The following VEZF1 variants were observed in gnomAD, a reference collection of about 807,000 sequenced individuals.
VEZF1 encodes putative transcription factor DB1.
VEZF1 carries 5 observed loss-of-function variants against 44.1 expected under a neutral mutation model. The ratio of observed to expected loss-of-function variants is 0.11; its 90% CI spans 0.06 to 0.24. The LOEUF is 0.24. Ranked by LOEUF, VEZF1 falls within the 10% of genes least tolerant of loss-of-function variation. The probability of loss-of-function intolerance (pLI) is 1.00; values close to 1 mark genes in which losing one functional copy is unlikely to be tolerated. For missense variants in VEZF1, 358 were observed against 641.8 expected, an observed-to-expected ratio of 0.56 and a Z score of 4.78; for synonymous variants, 236 against 233.1, an observed-to-expected ratio of 1.01 and a Z score of -0.11.
chr17:57,979,554 C>CA (rs79059045), intron 4 of VEZF1, among the ~76,000 whole-genome samples: 273 of 114,972 alleles, frequency 2.4e-3, no homozygotes, highest in African/African-American at 5.4e-3. Context: ...AAAAAACCAT[C>CA]AAAAAAAAAA....
At chr17:57,976,161 A>C (rs1053223154) in intron 5 of VEZF1, among the ~76,000 whole-genome samples, 9 of 152,206 alleles carry the variant, frequency 5.9e-5, no homozygotes, top group African/African-American at 9.7e-5. Flanking sequence ...CAGCACCAGA[A>C]AACAGCAGTA....
chr17:57,975,335 T>C (rs2075179862), intron 5 of VEZF1, among the ~76,000 whole-genome samples: 1 of 152,222 alleles, frequency 6.6e-6, no homozygotes, highest in Non-Finnish European at 1.5e-5. Flanking sequence ...TACACAGAGC[T>C]GGGCCAATGG....
chr17:57,980,257 A>G (rs550155144), intron 4 of VEZF1, among the ~76,000 whole-genome samples: 1 of 152,348 alleles, frequency 6.6e-6, no homozygotes, highest in South Asian at 2.1e-4. Flanking sequence ...AAGCCTGGGT[A>G]AATGCAAGTA....
chr17:57,984,310 A>G (rs114350726), intron 1 of VEZF1, among the ~76,000 whole-genome samples: 3,801 of 152,322 alleles, frequency 0.025, 163 homozygotes, highest in African/African-American at 0.087. Flanking sequence ...CAATGAAACC[A>G]AAATTTCACC....
intron 3 of VEZF1, 60 bp downstream of exon 3, chr17:57,981,813 A>G: frequency 6.5e-7 from 1 of 1,528,486 alleles, no homozygotes; most frequent in Non-Finnish European, 9.1e-7. Flanking sequence ...CAACTGGCTC[A>G]GACCTTCTGG....
chr17:57,985,187 A>T, intron 1 of VEZF1: 1 of 1,032,838 alleles, frequency 9.7e-7, no homozygotes. Flanking sequence ...GTTCAGACTT[A>T]TAGCATTTAG....
chr17:57,979,415 C>T, intron 4 of VEZF1, 102 bp from the exon 5 acceptor site: 1 of 1,523,304 alleles, frequency 6.6e-7, no homozygotes, highest in Non-Finnish European at 8.8e-7. Context: ...AACCATTTAA[C>T]CTGATAGCTC....
chr17:57,985,590 A>G (rs748955564), intron 1 of VEZF1: 1 of 314,530 alleles, frequency 3.2e-6, no homozygotes, highest in Non-Finnish European at 4.6e-6. Context: ...TTTTAATTTT[A>G]TATCCCATCT....
intron 4 of VEZF1, 28 bp from the exon 5 acceptor site, chr17:57,979,341 G>C: frequency 6.2e-7 from 1 of 1,607,112 alleles, no homozygotes; most frequent in Non-Finnish European, 8.5e-7. Context: ...CAAAAACACT[G>C]TATCTACCTG....
At position 57,979,346 on chromosome 17, in the gene VEZF1, T is replaced by C. The variant is rs1391518602; in HGVS notation, c.977-33A>G. On this transcript the variant is annotated intron_variant, in intron 4 of 5. Transcript: ENST00000581208. ...AAAGACAAACCAAAAACACTGTATC[T>C]ACCTGTAAAACTGTTGCCGTTTTTT... The C allele has an allele frequency of 1.4e-5, 23 of 1,607,324 alleles. No homozygotes were observed. The Admixed American group carries it at 3.9e-4, about 27-fold the overall frequency.
intron 1 of VEZF1, chr17:57,985,387 A>G (rs147451569): frequency 1.6e-6 from 2 of 1,228,164 alleles, no homozygotes; most frequent in East Asian, 6.3e-5. Context: ...TACAGGAATC[A>G]CTCTCTGAGG....
chr17:57,979,847 G>C (rs891638170), intron 4 of VEZF1, among the ~76,000 whole-genome samples: 3 of 151,776 alleles, frequency 2.0e-5, no homozygotes, highest in African/African-American at 7.3e-5. Flanking sequence ...GTGTGCACCT[G>C]TAATCCCAGT....
rs935693670 is a variant in VEZF1 at position 57,988,188 on chromosome 17, A to AGCGGCG, written c.-83_-78dup. The AGCGGCG allele has an allele frequency of 1.8e-4, 59 of 324,956 alleles. 1 individual carries two copies. Among genetic ancestry groups the AGCGGCG allele is most frequent in the African/African-American group, 5.0e-4 (22 of 44,350 alleles). The allele number at this position is 324,956 out of a possible 1,614,324, so 20.1% of individuals were successfully genotyped here. On this transcript the variant is annotated 5_prime_UTR_variant, in exon 1 of 6. Coordinates refer to ENST00000581208, the MANE Select transcript of VEZF1 (RefSeq NM_007146.3). ...CCTCAGCCGGAGGAGGCGACAACAA[A>AGCGGCG]GCGGCGGCGGCGGCGGCGGCAACGG...
rs1233131553 is a variant in VEZF1, at chr17:57,988,074, A to G, written c.33+5T>C. On this transcript the variant is annotated splice_donor_5th_base_variant and intron_variant, in intron 1 of 5. Coordinates refer to ENST00000581208, the MANE Select transcript of VEZF1 (RefSeq NM_007146.3). ...CCCGTGCCCCCCCGGGGGGGCCCCC[A>G]GTACCTGGAACAGGAACGCGGTCCA... 2.2e-6 allele frequency: 1 copy of G among 448,130 alleles called. No homozygotes were observed. The allele number at this position is 448,130 out of a possible 1,614,324, so 27.8% of individuals were successfully genotyped here.
intron 3 of VEZF1, 44 bp downstream of exon 3, chr17:57,981,829 G>A (rs2075252073): frequency 4.5e-6 from 7 of 1,565,956 alleles, no homozygotes; most frequent in Non-Finnish European, 6.2e-6. Flanking sequence ...TCTGGATAAT[G>A]TGCATTAAGT....
chr17:57,978,060 G>A (rs937633512), intron 5 of VEZF1, among the ~76,000 whole-genome samples: 3 of 151,754 alleles, frequency 2.0e-5, no homozygotes, highest in Admixed American at 2.0e-4. Flanking sequence ...AAAATTAGTC[G>A]GGTGTGGTGG....
chr17:57,983,498 A>T, intron 1 of VEZF1, 105 bp from the exon 2 acceptor site: 1 of 994,990 alleles, frequency 1.0e-6, no homozygotes, highest in African/African-American at 1.6e-5. Flanking sequence ...CAAAGAACCT[A>T]TAAGCTACTC....
intron 3 of VEZF1, 136 bp from the exon 4 acceptor site, chr17:57,980,922 C>CTT (rs1211997977): frequency 2.5e-6 from 2 of 784,546 alleles, no homozygotes; most frequent in Admixed American, 2.9e-5. Flanking sequence ...CATATGTTAC[C>CTT]TAGAATCATA....
intron 5 of VEZF1, among the ~76,000 whole-genome samples, chr17:57,978,109 A>T (rs1375063447): frequency 1.3e-5 from 2 of 151,994 alleles, no homozygotes; most frequent in African/African-American, 4.8e-5. Flanking sequence ...AGGCTGAGGC[A>T]CAAGAATCAC....
Sources: allele counts gnomAD v4.1 joint callset (sites outside exome capture counted in the v4.1 genomes callset), GRCh38; gene constraint gnomAD v4.1.1; transcripts MANE v1.5; gene names NCBI Gene and HGNC (gene_info 2026-07-23, HGNC 2026-07-21).